Variants in RGS7 observed in about 807,000 individuals in gnomAD.
RGS7 encodes regulator of G protein signaling 7, also known as regulator of G-protein signaling 7.
A neutral mutation model predicts 81.1 loss-of-function variants in RGS7; 27 were observed. That is an observed-to-expected ratio of 0.33 (90% CI 0.25 to 0.46). The LOEUF is 0.46. Among genes scored for constraint, RGS7 ranks in the 20% least tolerant of loss-of-function variants. RGS7 has a pLI of 1.00. For synonymous variants in RGS7, 208 were observed against 207.7 expected (o/e 1.00, Z -0.01); for missense variants, 396 against 607.4 (o/e 0.65, Z 3.66).
At chr1:241,182,447 C>T (rs535774987) in intron 2 of RGS7, among the ~76,000 whole-genome samples, 5 of 152,278 alleles carry the variant, frequency 3.3e-5, no homozygotes, top group Non-Finnish European at 4.4e-5. Flanking sequence ...ACACAACCCC[C>T]AGCTCCGTCA....
chr1:241,194,762 C>A (rs572191213), intron 2 of RGS7, among the ~76,000 whole-genome samples: 2 of 152,238 alleles, frequency 1.3e-5, no homozygotes, highest in African/African-American at 4.8e-5. Flanking sequence ...GGCTTCAGGG[C>A]AAATAATCTG....
At chr1:241,020,976 G>T (rs1026638220) in intron 3 of RGS7, among the ~76,000 whole-genome samples, 1 of 152,202 alleles carries the variant, frequency 6.6e-6, no homozygotes, top group Non-Finnish European at 1.5e-5. Context: ...GGGAAATTAA[G>T]ACAGAAGGGT....
At chr1:241,218,077 G>A (rs2074680691) in intron 2 of RGS7, among the ~76,000 whole-genome samples, 1 of 152,170 alleles carries the variant, frequency 6.6e-6, no homozygotes, top group Non-Finnish European at 1.5e-5. Flanking sequence ...ATGTGTGTGT[G>A]TGTATAATTG....
chr1:240,931,046 A>T (rs1243635144), intron 5 of RGS7, among the ~76,000 whole-genome samples: 1 of 152,212 alleles, frequency 6.6e-6, no homozygotes, highest in Non-Finnish European at 1.5e-5. Context: ...AAAGGCAAAA[A>T]GGTCTGATTG....
chr1:241,274,378 C>T (rs1003095496), intron 2 of RGS7, among the ~76,000 whole-genome samples: 1 of 152,030 alleles, frequency 6.6e-6, no homozygotes, highest in Non-Finnish European at 1.5e-5. Flanking sequence ...TTAGTTAAAC[C>T]TAAATATGCC....
intron 2 of RGS7, among the ~76,000 whole-genome samples, chr1:241,132,550 C>G (rs558009663): frequency 1.3e-5 from 2 of 151,820 alleles, no homozygotes; most frequent in African/African-American, 2.4e-5. Flanking sequence ...AACCCCACAA[C>G]GAAATAATCA....
chr1:241,221,828 T>C (rs1573207288), intron 2 of RGS7, among the ~76,000 whole-genome samples: 2 of 152,322 alleles, frequency 1.3e-5, no homozygotes, highest in South Asian at 4.1e-4. Flanking sequence ...ATTCTATAAA[T>C]TATAGACTTG....
intron 3 of RGS7, among the ~76,000 whole-genome samples, chr1:240,998,081 C>T (rs969943198): frequency 1.3e-5 from 2 of 152,140 alleles, no homozygotes; most frequent in Non-Finnish European, 2.9e-5. Flanking sequence ...CAGAGGATTA[C>T]GGATTGACAG....
At chr1:241,190,089 C>CA (rs372757080) in intron 2 of RGS7, among the ~76,000 whole-genome samples, 3,144 of 151,880 alleles carry the variant, frequency 0.021, 104 homozygotes, top group African/African-American at 0.07. Context: ...GGCGACAGAG[C>CA]AGACTCCGTC....
intron 3 of RGS7, among the ~76,000 whole-genome samples, chr1:241,058,824 C>G (rs1353784422): frequency 6.6e-6 from 1 of 152,176 alleles, no homozygotes. Flanking sequence ...CAGGTGAAAT[C>G]TAAGGTCCTT....
intron 2 of RGS7, among the ~76,000 whole-genome samples, chr1:241,287,371 T>G (rs1053150272): frequency 6.6e-6 from 1 of 152,182 alleles, no homozygotes; most frequent in Admixed American, 6.5e-5. Context: ...GTTCTTGTGA[T>G]AGTGAATAAG....
At chr1:240,953,146 A>G (rs1222303192) in intron 4 of RGS7, among the ~76,000 whole-genome samples, 1 of 151,942 alleles carries the variant, frequency 6.6e-6, no homozygotes, top group Non-Finnish European at 1.5e-5. Flanking sequence ...CCACTTTTTC[A>G]TTAATTGACA....
chr1:241,339,846 C>T (rs1283935163), intron 2 of RGS7, among the ~76,000 whole-genome samples: 1 of 152,088 alleles, frequency 6.6e-6, no homozygotes, highest in Admixed American at 6.5e-5. Flanking sequence ...GAGCTATAAT[C>T]TTTATTCTGA....
chr1:241,029,995 A>T (rs768139616), intron 3 of RGS7, among the ~76,000 whole-genome samples: 1 of 152,166 alleles, frequency 6.6e-6, no homozygotes, highest in African/African-American at 2.4e-5. Flanking sequence ...AGTTTTTCCT[A>T]AAGTCTTTCT....
intron 2 of RGS7, among the ~76,000 whole-genome samples, chr1:241,232,599 T>C (rs776476545): frequency 1.1e-4 from 17 of 152,102 alleles, no homozygotes; most frequent in South Asian, 2.1e-4. Context: ...AACTTTCTTC[T>C]TTTTCAAAGT....
chr1:240,812,840 C>G (rs1690106762), intron 13 of RGS7, among the ~76,000 whole-genome samples: 1 of 152,136 alleles, frequency 6.6e-6, no homozygotes, highest in Admixed American at 6.5e-5. Context: ...ATTCTGGTGT[C>G]AATTAAATCT....
chr1:241,328,401 C>A (rs2081747954), intron 2 of RGS7, among the ~76,000 whole-genome samples: 1 of 152,204 alleles, frequency 6.6e-6, no homozygotes, highest in Admixed American at 6.5e-5. Context: ...TGTCCACTTT[C>A]AGCCACAGTA....
At chr1:241,178,161 A>G (rs2071303690) in intron 2 of RGS7, among the ~76,000 whole-genome samples, 1 of 152,058 alleles carries the variant, frequency 6.6e-6, no homozygotes, top group African/African-American at 2.4e-5. Context: ...GTGCAGTGAC[A>G]GGCATCTGTA....
chr1:241,108,976 G>A (rs1558730498), intron 2 of RGS7, among the ~76,000 whole-genome samples: 1 of 151,822 alleles, frequency 6.6e-6, no homozygotes, highest in Non-Finnish European at 1.5e-5. Flanking sequence ...TCTCTTATAC[G>A]AACTCCTTAC....
Sources: allele counts gnomAD v4.1 joint callset (sites outside exome capture counted in the v4.1 genomes callset), GRCh38; gene constraint gnomAD v4.1.1; transcripts MANE v1.5; gene names NCBI Gene and HGNC (gene_info 2026-07-23, HGNC 2026-07-21).